The following GABRG3 variants were observed in gnomAD, a reference collection of about 807,000 sequenced individuals.
The protein encoded by GABRG3 is gamma-aminobutyric acid receptor subunit gamma-3.
In GABRG3, 25 loss-of-function variants were observed where a neutral mutation model predicts 48.8. The ratio of observed to expected loss-of-function variants is 0.51; its 90% CI spans 0.37 to 0.72. The LOEUF is 0.72. Among genes scored for constraint, GABRG3 ranks in the 30% least tolerant of loss-of-function variants. GABRG3 has a pLI of 0.00. For missense variants in GABRG3, 394 were observed against 577.9 expected, an observed-to-expected ratio of 0.68 and a Z score of 3.26; for synonymous variants, 227 against 217.6, an observed-to-expected ratio of 1.04 and a Z score of -0.38.
rs1442614065 is a variant in GABRG3 at position 27,177,505 on chromosome 15, A to G, written c.271-149304A>G. On this transcript the variant is annotated intron_variant, in intron 3 of 9. Transcript: ENST00000615808. The stretch of plus-strand genomic sequence containing the variant: ...TCTTACAAAGGTGGTTTTAGCCCCC[A>G]GAGGGGGTCAGTTTTGGGAAGGGAC... Among the ~76,000 whole-genome samples the G allele has an allele frequency of 4.6e-5, 7 of 152,316 alleles. 1 individual carries two copies. Among genetic ancestry groups the G allele is most frequent in the African/African-American group, 1.7e-4 (7 of 41,580 alleles).
chr15:27,508,630 C>A (rs1019018162), intron 6 of GABRG3, among the ~76,000 whole-genome samples: 4 of 152,108 alleles, frequency 2.6e-5, no homozygotes, highest in African/African-American at 9.7e-5. Context: ...CTCTGAAGAA[C>A]TTCCTTTCCA....
intron 3 of GABRG3, among the ~76,000 whole-genome samples, chr15:27,323,680 C>G (rs1395768057): frequency 1.3e-5 from 2 of 152,124 alleles, no homozygotes; most frequent in African/African-American, 4.8e-5. Flanking sequence ...TGCTGCTGCA[C>G]CATCTATATG....
At chr15:27,516,056 T>C in intron 6 of GABRG3, among the ~76,000 whole-genome samples, 1 of 151,938 alleles carries the variant, frequency 6.6e-6, no homozygotes, top group South Asian at 2.1e-4. Context: ...ATATATTTGG[T>C]ATTTTATTAA....
At chr15:27,265,958 G>T (rs767083095) in intron 3 of GABRG3, among the ~76,000 whole-genome samples, 8 of 145,044 alleles carry the variant, frequency 5.5e-5, no homozygotes, top group Non-Finnish European at 4.5e-5. Context: ...TCGGCTCACT[G>T]CAACATCCAC....
intron 5 of GABRG3, among the ~76,000 whole-genome samples, chr15:27,460,112 G>A (rs1889403383): frequency 6.6e-6 from 1 of 151,992 alleles, no homozygotes; most frequent in Admixed American, 6.6e-5. Context: ...GCTAACCTTT[G>A]GATAAATTTA....
chr15:27,456,476 C>T (rs1889281980), intron 5 of GABRG3, among the ~76,000 whole-genome samples: 2 of 152,300 alleles, frequency 1.3e-5, no homozygotes, highest in African/African-American at 4.8e-5. Flanking sequence ...CACTGGGCCC[C>T]CCCGGGAAGG....
At chr15:27,206,051 G>A (rs1397727200) in intron 3 of GABRG3, among the ~76,000 whole-genome samples, 3 of 151,554 alleles carry the variant, frequency 2.0e-5, no homozygotes, top group Non-Finnish European at 3.0e-5. Context: ...AAGCCATTTC[G>A]TTCACTTCAG....
chr15:27,437,147 A>G (rs1030249739), intron 5 of GABRG3, among the ~76,000 whole-genome samples: 1 of 152,294 alleles, frequency 6.6e-6, no homozygotes, highest in East Asian at 1.9e-4. Context: ...CGTCACAGAC[A>G]CACACATGCT....
intron 3 of GABRG3, among the ~76,000 whole-genome samples, chr15:27,242,745 AAG>A (rs1285957000): frequency 6.6e-6 from 1 of 152,230 alleles, no homozygotes; most frequent in African/African-American, 2.4e-5. Context: ...AGAGTGGAGA[AAG>A]AGTCTCAACA....
Position 27,026,802 on chromosome 15 carries a change from C to G in GABRG3, c.251C>G (p.Pro84Arg), listed in dbSNP as rs1339358777. Residue 84 changes from proline (P) to arginine (R), a missense_variant, in exon 3 of 10, where the codon CCT (proline) becomes CGT (arginine). Pro to Arg is a moderately radical substitution (Grantham distance 103, BLOSUM62 -2). This residue lies in a region of GABRG3 where 218 missense variants were observed against 309.9 expected (regional missense o/e 0.70). Transcript: ENST00000615808. ...DVDIYVNSIG[P>R]VSSINMEYQI... ...GACATTTATGTTAACAGCATTGGTC[C>G]TGTGTCATCAATAAACATGGTAAGA... The G allele has an allele frequency of 6.2e-7, 1 of 1,609,020 alleles. No individual in the cohort carries two copies. Among genetic ancestry groups the G allele is most frequent in the East Asian group, 2.2e-5 (1 of 44,782 alleles).
intron 3 of GABRG3, among the ~76,000 whole-genome samples, chr15:27,068,144 A>G (rs1276433776): frequency 6.6e-6 from 1 of 152,216 alleles, no homozygotes; most frequent in Non-Finnish European, 1.5e-5. Context: ...CCTCCAAGCT[A>G]CCAGAGAGAT....
chr15:27,243,827 A>C (rs150372832), intron 3 of GABRG3, among the ~76,000 whole-genome samples: 39 of 152,344 alleles, frequency 2.6e-4, no homozygotes, highest in African/African-American at 8.7e-4. Context: ...AAGGACCCCA[A>C]TCATGGTTTT....
chr15:27,096,020 T>C (rs1595521854), intron 3 of GABRG3, among the ~76,000 whole-genome samples: 1 of 152,196 alleles, frequency 6.6e-6, no homozygotes, highest in East Asian at 1.9e-4. Flanking sequence ...ATGGTCAGCC[T>C]GGCAGGCTGC....
intron 7 of GABRG3, among the ~76,000 whole-genome samples, chr15:27,523,857 G>T (rs1357081512): frequency 1.3e-5 from 2 of 151,956 alleles, no homozygotes; most frequent in South Asian, 4.1e-4. Context: ...ATAATCAACT[G>T]AGTTTAGGGA....
chr15:27,363,918 G>C (rs1895106396), intron 5 of GABRG3: 2 of 152,198 alleles, frequency 1.3e-5, no homozygotes, highest in Non-Finnish European at 2.9e-5. Flanking sequence ...CTGATCCGTG[G>C]CCTGCCCTCT....
In GABRG3 at chr15:27,307,708, AACCT is replaced by A. The variant is rs1374254904; in HGVS notation, c.271-19099_271-19096del. On this transcript the variant is annotated intron_variant, in intron 3 of 9. Transcript: ENST00000615808. ...GTTTATGTTTATATATTTATATATA[AACCT>A]ATAGGTTTATATATAAATATATAAT... is the stretch of plus-strand genomic sequence containing the variant. 2.4e-5 allele frequency among the ~76,000 whole-genome samples: 3 copies of A among 127,192 alleles called. No individual in the cohort carries two copies. The East Asian group carries it at 6.8e-4, about 29-fold the overall frequency. The allele number at this position is 127,192 out of a possible 152,430, so 83.4% of individuals were successfully genotyped here. A position where few individuals can be genotyped will look rare whatever the true frequency, so the allele number is the denominator to read the frequency against.
chr15:27,010,552 G>A (rs1420076117), intron 2 of GABRG3, among the ~76,000 whole-genome samples: 1 of 152,078 alleles, frequency 6.6e-6, no homozygotes, highest in African/African-American at 2.4e-5. Context: ...ATTAAGTTGG[G>A]ACTGGCCAAC....
At chr15:27,230,224 A>C (rs1889755174) in intron 3 of GABRG3, among the ~76,000 whole-genome samples, 1 of 152,198 alleles carries the variant, frequency 6.6e-6, no homozygotes, top group Non-Finnish European at 1.5e-5. Context: ...TAAAATTCTG[A>C]ACTTCATATA....
intron 5 of GABRG3, among the ~76,000 whole-genome samples, chr15:27,417,738 T>A (rs1024586697): frequency 6.6e-6 from 1 of 152,238 alleles, no homozygotes; most frequent in Non-Finnish European, 1.5e-5. Context: ...TTTTTCGTTT[T>A]TCCCCTTCTT....
Sources: gnomAD v4.1 joint callset for allele counts (sites outside exome capture counted in the v4.1 genomes callset) on GRCh38, gnomAD v4.1.1 for gene constraint, gnomAD v4.1.1 regional missense constraint, MANE v1.5 for transcripts, NCBI Gene and HGNC (gene_info 2026-07-23, HGNC 2026-07-21) for gene names.